MAGEB3: variants seen among roughly 807,000 people sequenced by gnomAD.
MAGEB3 encodes MAGE family member B3.
For synonymous variants in MAGEB3, 91 were observed against 93.0 expected, an observed-to-expected ratio of 0.98 and a Z score of 0.12; for missense variants, 191 against 262.4, an observed-to-expected ratio of 0.73 and a Z score of 1.88.
rs769735064 is a variant in MAGEB3 at position 30,236,551 on chromosome X, C to T, written c.627C>T (p.Gly209=). 2.3e-5 allele frequency: 28 copies of T among 1,210,235 alleles called. No homozygotes were observed. In the East Asian group the frequency reaches 5.0e-4, roughly 22 times the overall value. Residue 209 remains glycine, a synonymous_variant, in exon 5 of 5, where the codon GGC becomes GGT. Coordinates refer to ENST00000361644, the MANE Select transcript of MAGEB3 (RefSeq NM_002365.5). ...PKTGLLLNLL[G]VIFMKGNCAT... ...CAGGTCTCCTGCTGAATCTCCTGGGCGTGATCTTCATGAAGGGCAACTGTG... is the reference window on the plus strand; with the variant it reads ...CAGGTCTCCTGCTGAATCTCCTGGGTGTGATCTTCATGAAGGGCAACTGTG...
chrX:30,232,629 C>T (rs1012023064), intron 2 of MAGEB3, among the ~76,000 whole-genome samples, 198 bp from the exon 3 acceptor site: 2 of 100,710 alleles, frequency 2.0e-5, no homozygotes, highest in African/African-American at 7.3e-5. Context: ...TCAAATTAGC[C>T]GGGCGTGGTG....
At chrX:30,233,042 G>C (rs1420451420) in intron 3 of MAGEB3, 126 bp downstream of exon 3, 3 of 104,824 alleles carry the variant, frequency 2.9e-5, no homozygotes, top group African/African-American at 1.1e-4. Flanking sequence ...GACAGAGAGA[G>C]ACACTGTCTC....
Position 30,237,129 on chromosome X carries a change from A to C in MAGEB3, c.*164A>C. ...ATCTGTATTTTGGGGCATATTTTTC[A>C]AATGTTCCTTTTATTTAACATTGTA... On this transcript the variant is annotated 3_prime_UTR_variant, in exon 5 of 5. Coordinates refer to ENST00000361644, the MANE Select transcript of MAGEB3 (RefSeq NM_002365.5). 1 of 394,162 alleles carries C rather than the reference A, an allele frequency of 2.5e-6. No homozygotes were observed. The highest frequency in any genetic ancestry group is 4.4e-6 in the Non-Finnish European group (1 of 227,616). The allele number at this position is 394,162 out of a possible 1,213,427, so 32.5% of individuals were successfully genotyped here. A position where few individuals can be genotyped will look rare whatever the true frequency, so the allele number is the denominator to read the frequency against.
chrX:30,232,010 C>A (rs1261396941), intron 2 of MAGEB3, among the ~76,000 whole-genome samples: 2 of 112,151 alleles, frequency 1.8e-5, no homozygotes, highest in Non-Finnish European at 3.8e-5. Context: ...TGCTGTCAGC[C>A]CTCGGAGACC....
intron 3 of MAGEB3, 23 bp downstream of exon 3, chrX:30,232,939 G>C (rs909848366): frequency 9.4e-6 from 1 of 106,719 alleles, no homozygotes; most frequent in Non-Finnish European, 1.9e-5. Flanking sequence ...TGTAGTCCCA[G>C]CTACCCAGGA....
chrX:30,236,363 A>G lies in MAGEB3; in HGVS notation c.439A>G (p.Asn147Asp), dbSNP rs1924981057. Reference sequence around the variant, plus strand: ...AAAAATTGTCCAAAAAAGCCATAAGAATTGCTTCCCTGAGATCCTTAAAAA... The same window carrying G: ...AAAAATTGTCCAAAAAAGCCATAAGGATTGCTTCCCTGAGATCCTTAAAAA... ...MLKIVQKSHKNCFPEILKKAS... is the reference protein window; with the variant it reads ...MLKIVQKSHKDCFPEILKKAS... The change falls in exon 5 of 5, where the codon AAT (asparagine) becomes GAT (aspartate). Residue 147 changes from asparagine to aspartate, a missense_variant. By Grantham distance (23) the Asn-to-Asp change is conservative (BLOSUM62 1). Coordinates refer to ENST00000361644, the MANE Select transcript of MAGEB3 (RefSeq NM_002365.5). The G allele has an allele frequency of 5.0e-6, 6 of 1,210,197 alleles. No homozygotes were observed. The highest frequency in any genetic ancestry group is 2.3e-4 in the Middle Eastern group (1 of 4,338).
Sources: gnomAD v4.1 joint callset for allele counts (sites outside exome capture counted in the v4.1 genomes callset) on GRCh38, gnomAD v4.1.1 for gene constraint, MANE v1.5 for transcripts, NCBI Gene and HGNC (gene_info 2026-07-23, HGNC 2026-07-21) for gene names.